TAB2: variants seen among roughly 807,000 people sequenced by gnomAD.
TAB2 encodes the protein TGF-beta-activated kinase 1 and MAP3K7-binding protein 2.
Under a neutral mutation model 65.0 loss-of-function variants are expected in TAB2, and 3 were observed. That is an observed-to-expected ratio of 0.05 (90% CI 0.02 to 0.12). The LOEUF is 0.12. Ranked by LOEUF, TAB2 falls within the 10% of genes least tolerant of loss-of-function variation. The pLI is 1.00. For missense variants in TAB2, 623 were observed against 840.3 expected (o/e 0.74, Z 3.20); for synonymous variants, 298 against 285.1 (o/e 1.05, Z -0.46).
upstream of TAB2, among the ~76,000 whole-genome samples, chr6:149,315,624 C>A (rs1779235510): frequency 6.6e-6 from 1 of 152,196 alleles, no homozygotes; most frequent in Non-Finnish European, 1.5e-5. Flanking sequence ...AGTAAAGGAT[C>A]CAGTTCAGGG....
At chr6:149,390,978 T>C (rs773705776) in intron 3 of TAB2, among the ~76,000 whole-genome samples, 11 of 152,222 alleles carry the variant, frequency 7.2e-5, no homozygotes, top group Non-Finnish European at 1.2e-4. Context: ...TTCCCTGTTA[T>C]AAATTACAGT....
upstream of TAB2, among the ~76,000 whole-genome samples, chr6:149,317,322 G>A (rs1383229528): frequency 1.3e-5 from 2 of 151,916 alleles, no homozygotes; most frequent in Non-Finnish European, 2.9e-5. This position sits in a 1 kb window ranked among gnomAD's most constrained non-coding sequence, Gnocchi z 4.7. Context: ...GGCGGCCCGC[G>A]TCCTCCCTCC....
chr6:149,276,859 C>T (rs1372624864), intron 1 of TAB2, among the ~76,000 whole-genome samples: 1 of 152,064 alleles, frequency 6.6e-6, no homozygotes, highest in Admixed American at 6.5e-5. Context: ...TGGCTGTGTC[C>T]CCACCCAAAT....
Position 149,256,081 on chromosome 6 carries a change from C to T in TAB2, c.-121+37305C>T, listed in dbSNP as rs144182895. 5.9e-3 allele frequency among the ~76,000 whole-genome samples: 904 copies of T among 152,186 alleles called. 2 individuals carry two copies. The highest frequency in any genetic ancestry group is 0.02 in the Middle Eastern group (6 of 294). ...TCTGATCAACCAGTATGTGAAAACC[C>T]ACATACTGAGACACTTCCAGAAAAG... On this transcript the variant is annotated intron_variant, in intron 1 of 1. Coordinates refer to the TAB2 transcript ENST00000606202.
At chr6:149,222,843 G>A (rs1258173321) in intron 1 of TAB2, among the ~76,000 whole-genome samples, 1 of 151,878 alleles carries the variant, frequency 6.6e-6, no homozygotes, top group African/African-American at 2.4e-5. Flanking sequence ...CACATCTCAG[G>A]TTTCTATGCA....
chr6:149,306,667 G>A (rs1479775722), intron 1 of TAB2, among the ~76,000 whole-genome samples: 1 of 152,018 alleles, frequency 6.6e-6, no homozygotes, highest in African/African-American at 2.4e-5. Flanking sequence ...CAGGAGAATC[G>A]CTTGAACCCG....
At chr6:149,330,557 ACTT>A (rs1179647755) in intron 1 of TAB2, among the ~76,000 whole-genome samples, 4 of 152,170 alleles carry the variant, frequency 2.6e-5, no homozygotes, top group South Asian at 2.1e-4. Flanking sequence ...ATTTTCATGT[ACTT>A]CTTTGCTGTC....
Position 149,343,119 on chromosome 6 carries a change from T to C in TAB2, c.-90+25104T>C, listed in dbSNP as rs1214657616. On this transcript the variant is annotated intron_variant, in intron 1 of 6. Coordinates refer to ENST00000637181, the MANE Select transcript of TAB2 (RefSeq NM_001292034.3). ...AGCCGTATAAACATACCAAAAAAAA[T>C]TGAAAAACAAACATCAACAACAACA... is the stretch of plus-strand genomic sequence containing the variant. Among the ~76,000 whole-genome samples the C allele has an allele frequency of 2.6e-5, 4 of 151,910 alleles. No individual in the cohort carries two copies. In the South Asian group the frequency reaches 6.2e-4, roughly 24 times the overall value.
rs1343503509 is a variant in TAB2, at chr6:149,378,478, G to T, written c.563G>T (p.Gly188Val). 2 of 1,614,012 alleles carry T rather than the reference G, an allele frequency of 1.2e-6. No individual in the cohort carries two copies. Among genetic ancestry groups the T allele is most frequent in the African/African-American group, 1.3e-5 (1 of 74,900 alleles). The change falls in exon 3 of 7, where the codon GGT (glycine) becomes GTT (valine). Residue 188 changes from glycine to valine, a missense_variant. Coordinates refer to ENST00000637181, the MANE Select transcript of TAB2 (RefSeq NM_001292034.3). Reference sequence around the variant, plus strand: ...ACTTTAGCCCCAAATATCCAGACTGGTCGTAATACTCCTACATCTTTGCAC... The same window carrying T: ...ACTTTAGCCCCAAATATCCAGACTGTTCGTAATACTCCTACATCTTTGCAC... ...MVTLAPNIQT[G>V]RNTPTSLHIH...
At position 149,408,564 on chromosome 6, in the gene TAB2, T is replaced by C. The variant is rs995531021; in HGVS notation, c.1940-1013T>C. Among the ~76,000 whole-genome samples the C allele has an allele frequency of 3.4e-4, 51 of 152,222 alleles. 2 individuals carry two copies. Among genetic ancestry groups the C allele is most frequent in the Admixed American group, 3.3e-3 (51 of 15,286 alleles). On this transcript the variant is annotated intron_variant, in intron 6 of 6. Coordinates refer to ENST00000637181, the MANE Select transcript of TAB2 (RefSeq NM_001292034.3). ...AGTAGGGTAGGTGGAATTTGCATAT[T>C]AATATACATTGTTTTAACATAGGTT...
chr6:149,259,334 TACACACACACAC>T (rs61261942), intron 1 of TAB2, among the ~76,000 whole-genome samples: 4,776 of 146,020 alleles, frequency 0.033, 89 homozygotes, highest in African/African-American at 0.049. Context: ...ACGCTCCCTC[TACACACACACAC>T]ACACACACAC....
chr6:149,279,928 A>G (rs1215034178), intron 1 of TAB2, among the ~76,000 whole-genome samples: 1 of 152,208 alleles, frequency 6.6e-6, no homozygotes, highest in East Asian at 1.9e-4. Flanking sequence ...AGAGATCTGG[A>G]AATCAGTTTG....
chr6:149,239,840 G>A (rs1001411495), intron 1 of TAB2, among the ~76,000 whole-genome samples: 1 of 152,110 alleles, frequency 6.6e-6, no homozygotes, highest in Non-Finnish European at 1.5e-5. Context: ...TTCTGTCTTC[G>A]CAGAGATGAT....
At chr6:149,402,069 G>A (rs1782444539) in intron 6 of TAB2, among the ~76,000 whole-genome samples, 1 of 150,350 alleles carries the variant, frequency 6.7e-6, no homozygotes. Flanking sequence ...TAAGCCTAAT[G>A]TTAGCATAAT....
At chr6:149,234,859 A>AGT (rs1777466117) in intron 1 of TAB2, among the ~76,000 whole-genome samples, 1 of 122,558 alleles carries the variant, frequency 8.2e-6, no homozygotes, top group South Asian at 2.7e-4. Context: ...AAGATTAGAG[A>AGT]GTGTGAAAAA....
chr6:149,403,241 AAAAAAAATATATATATATAT>A (rs1782501887), intron 6 of TAB2, among the ~76,000 whole-genome samples: 1 of 50,466 alleles, frequency 2.0e-5, no homozygotes, highest in Non-Finnish European at 3.4e-5. Context: ...GTCTAAAAAA[AAAAAAAATATATATATATAT>A]ATATATATAT....
chr6:149,263,031 C>A (rs1047773481), intron 1 of TAB2, among the ~76,000 whole-genome samples: 2 of 152,098 alleles, frequency 1.3e-5, no homozygotes, highest in African/African-American at 4.8e-5. Context: ...TCTCGAACTC[C>A]TGGCCTCAAG....
intron 1 of TAB2, among the ~76,000 whole-genome samples, chr6:149,319,445 G>A (rs185031834): frequency 5.9e-5 from 9 of 152,318 alleles, no homozygotes; most frequent in African/African-American, 2.2e-4. Flanking sequence ...GGCTTTGGCT[G>A]AGCATTTTAA....
chr6:149,234,267 G>A (rs1228310892), intron 1 of TAB2, among the ~76,000 whole-genome samples: 3 of 152,172 alleles, frequency 2.0e-5, no homozygotes, highest in Non-Finnish European at 4.4e-5. Flanking sequence ...GAAGACAGAA[G>A]AAGTAATAAA....
Sources: gnomAD v4.1 joint callset for allele counts (sites outside exome capture counted in the v4.1 genomes callset) on GRCh38, gnomAD v4.1.1 for gene constraint, Gnocchi (gnomAD v3.1) non-coding constraint, MANE v1.5 for transcripts, NCBI Gene and HGNC (gene_info 2026-07-23, HGNC 2026-07-21) for gene names.